Variants in CEP112 observed in about 807,000 individuals in gnomAD.
CEP112 encodes the protein centrosomal protein 112.
A neutral mutation model predicts 153.0 loss-of-function variants in CEP112; 127 were observed. The observed-to-expected ratio is 0.83, with a 90% CI of 0.72 to 0.96. The LOEUF is 0.96. Among genes scored for constraint, CEP112 ranks in the 40% least tolerant of loss-of-function variants. The pLI, the probability that CEP112 is intolerant of heterozygous loss-of-function variation, is 0.00. For synonymous variants in CEP112, 358 were observed against 374.4 expected (o/e 0.96, Z 0.51); for missense variants, 1,089 against 1,101.2 (o/e 0.99, Z 0.16).
intron 20 of CEP112, among the ~76,000 whole-genome samples, chr17:65,882,519 G>T (rs1313316334): frequency 6.6e-6 from 1 of 152,146 alleles, no homozygotes; most frequent in Non-Finnish European, 1.5e-5. Context: ...ATGGAAACAA[G>T]CAAAGCCCAG....
intron 8 of CEP112, among the ~76,000 whole-genome samples, chr17:66,071,161 TATATC>T (rs1388742731): frequency 6.6e-5 from 10 of 152,236 alleles, no homozygotes; most frequent in Admixed American, 2.0e-4. Flanking sequence ...GATAAACATA[TATATC>T]ATATTAACAT....
chr17:66,123,464 T>C (rs919586107), intron 6 of CEP112, among the ~76,000 whole-genome samples: 1 of 152,250 alleles, frequency 6.6e-6, no homozygotes, highest in South Asian at 2.1e-4. Flanking sequence ...CGAGTCATGG[T>C]TGAAGTGCCA....
intron 8 of CEP112, among the ~76,000 whole-genome samples, chr17:66,073,664 T>C (rs2067380140): frequency 6.6e-6 from 1 of 152,148 alleles, no homozygotes; most frequent in African/African-American, 2.4e-5. Flanking sequence ...TAAACCTACC[T>C]ACAAGGACTG....
intron 12 of CEP112, among the ~76,000 whole-genome samples, chr17:66,045,204 G>A (rs1389113620): frequency 6.6e-6 from 1 of 151,942 alleles, no homozygotes; most frequent in South Asian, 2.1e-4. Context: ...ACAAGTAGCT[G>A]GGACTACAAC....
At chr17:66,054,541 A>C (rs2066594858) in intron 11 of CEP112, among the ~76,000 whole-genome samples, 2 of 152,240 alleles carry the variant, frequency 1.3e-5, no homozygotes, top group Non-Finnish European at 2.9e-5. Flanking sequence ...AGGTAAGGAA[A>C]ACAAAGGCAA....
At chr17:65,920,245 C>T (rs9908558) in intron 19 of CEP112, among the ~76,000 whole-genome samples, 1 of 149,878 alleles carries the variant, frequency 6.7e-6, no homozygotes, top group Non-Finnish European at 1.5e-5. Context: ...ACTTGGGAGG[C>T]TGAGGCAGAA....
chr17:65,970,650 G>A (rs2062700660), intron 17 of CEP112, among the ~76,000 whole-genome samples: 1 of 151,842 alleles, frequency 6.6e-6, no homozygotes, highest in South Asian at 2.1e-4. Context: ...ATGCACGCAT[G>A]TATATTACAT....
intron 17 of CEP112, among the ~76,000 whole-genome samples, chr17:65,970,317 A>G (rs573611126): frequency 1.3e-5 from 2 of 148,160 alleles, no homozygotes; most frequent in East Asian, 2.0e-4. Context: ...TCTCATATGT[A>G]AAACATATTG....
chr17:66,151,805 G>A (rs1048705310), intron 4 of CEP112, among the ~76,000 whole-genome samples: 4 of 152,160 alleles, frequency 2.6e-5, no homozygotes, highest in Non-Finnish European at 5.9e-5. Flanking sequence ...CTAGACTTCA[G>A]CTGGGACCAC....
chr17:65,754,528 G>C (rs1201637820), intron 21 of CEP112, among the ~76,000 whole-genome samples: 3 of 152,198 alleles, frequency 2.0e-5, no homozygotes, highest in Non-Finnish European at 4.4e-5. Context: ...AGAATCATTT[G>C]AACTGGGAGG....
At chr17:65,985,763 G>A (rs1191673509) in intron 17 of CEP112, among the ~76,000 whole-genome samples, 1 of 151,886 alleles carries the variant, frequency 6.6e-6, no homozygotes, top group African/African-American at 2.4e-5. Flanking sequence ...CACTGCTCAG[G>A]AGGTCATACA....
chr17:65,981,871 G>C (rs1433393916), intron 17 of CEP112, among the ~76,000 whole-genome samples: 2 of 152,060 alleles, frequency 1.3e-5, no homozygotes, highest in African/African-American at 4.8e-5. Flanking sequence ...TTATCATTGT[G>C]ATTGGCACTA....
chr17:66,139,551 T>A (rs1384664219), intron 4 of CEP112, among the ~76,000 whole-genome samples: 1 of 152,052 alleles, frequency 6.6e-6, no homozygotes, highest in Non-Finnish European at 1.5e-5. Flanking sequence ...AAGGCGGCAG[T>A]GAGCAGTGAT....
intron 20 of CEP112, among the ~76,000 whole-genome samples, chr17:65,901,496 G>T (rs1253250434): frequency 2.6e-5 from 4 of 151,972 alleles, no homozygotes; most frequent in Non-Finnish European, 2.9e-5. Flanking sequence ...TTTCCATGCT[G>T]ACAGTGCACA....
intron 23 of CEP112, among the ~76,000 whole-genome samples, chr17:65,711,008 G>A (rs232158): frequency 0.45 from 68,068 of 151,964 alleles, 15,579 homozygotes; most frequent in Middle Eastern, 0.54. Flanking sequence ...GCATTCCTGG[G>A]TGAGACAGCA....
chr17:66,117,141 G>A lies in CEP112; in HGVS notation c.642+12605C>T, dbSNP rs540261493. ...GATCTCTTGACCTCATGATCCACTC[G>A]CCTCAATCTCCCAAAGTGCTTGGAT... On this transcript the variant is annotated intron_variant, in intron 6 of 26. Transcript: ENST00000535342. Among the ~76,000 whole-genome samples, 402 of 152,080 alleles carry A rather than the reference G, an allele frequency of 2.6e-3. 1 individual carries two copies. Among genetic ancestry groups the A allele is most frequent in the Admixed American group, 4.8e-3 (73 of 15,272 alleles).
At chr17:65,897,361 A>T (rs1255241991) in intron 20 of CEP112, among the ~76,000 whole-genome samples, 2 of 152,190 alleles carry the variant, frequency 1.3e-5, no homozygotes, top group Non-Finnish European at 2.9e-5. Flanking sequence ...TCATTTTAAT[A>T]CAGGTGTAAG....
At chr17:66,054,577 A>G (rs1381897358) in intron 11 of CEP112, among the ~76,000 whole-genome samples, 2 of 152,188 alleles carry the variant, frequency 1.3e-5, no homozygotes, top group African/African-American at 2.4e-5. Context: ...ACAAGCTTCA[A>G]TGGACATCTT....
intron 23 of CEP112, among the ~76,000 whole-genome samples, chr17:65,713,823 C>A (rs111272397): frequency 0.1 from 15,514 of 152,028 alleles, 884 homozygotes; most frequent in South Asian, 0.15. Context: ...CTCCTGACCT[C>A]GTGATCCGCC....
Sources: allele counts gnomAD v4.1 joint callset (sites outside exome capture counted in the v4.1 genomes callset), GRCh38; gene constraint gnomAD v4.1.1; transcripts MANE v1.5; gene names NCBI Gene and HGNC (gene_info 2026-07-23, HGNC 2026-07-21).